Variants in ZFYVE1 observed in about 807,000 individuals in gnomAD.
ZFYVE1 encodes zinc finger FYVE-type containing 1.
ZFYVE1 carries 30 observed loss-of-function variants against 74.4 expected under a neutral mutation model. The ratio of observed to expected loss-of-function variants is 0.40; its 90% CI spans 0.30 to 0.55. The LOEUF (loss-of-function observed/expected upper bound fraction) is 0.55, where lower values mean the gene tolerates loss of function less well. ZFYVE1 is among the 20% of genes least tolerant of loss of function. The pLI, the probability that ZFYVE1 is intolerant of heterozygous loss-of-function variation, is 0.42. For missense variants in ZFYVE1, 703 were observed against 1,011.6 expected (o/e 0.69, Z 4.14); for synonymous variants, 335 against 385.1 (o/e 0.87, Z 1.52).
chr14:73,020,813 G>A (rs1464739954), intron 2 of ZFYVE1, among the ~76,000 whole-genome samples: 1 of 152,166 alleles, frequency 6.6e-6, no homozygotes, highest in Non-Finnish European at 1.5e-5. Context: ...GGTCCCTACT[G>A]AAAACACAAA....
At position 72,971,052 on chromosome 14, in the gene ZFYVE1, G is replaced by A. The variant is rs199882985; in HGVS notation, c.2164C>T (p.His722Tyr). 5 of 1,614,052 alleles carry A rather than the reference G, an allele frequency of 3.1e-6. No individual in the cohort carries two copies. The highest frequency in any genetic ancestry group is 4.2e-6 in the Non-Finnish European group (5 of 1,180,050). Residue 722 changes from histidine (H) to tyrosine (Y), a missense_variant, in exon 12 of 12, where the codon CAC (histidine) becomes TAC (tyrosine). By Grantham distance (83) the His-to-Tyr change is moderately conservative (BLOSUM62 2). Coordinates refer to ENST00000556143, the MANE Select transcript of ZFYVE1 (RefSeq NM_021260.4). ...ATGCTGAACTCCTTCCGGCAGTTGTGGCAGTGGAGGATTTCGTGGTCAGGC... is the reference window on the plus strand; with the variant it reads ...ATGCTGAACTCCTTCCGGCAGTTGTAGCAGTGGAGGATTTCGTGGTCAGGC... ...WVPDHEILHC[H>Y]NCRKEFSIKL... is the part of the protein sequence containing the mutation.
intron 3 of ZFYVE1, among the ~76,000 whole-genome samples, chr14:72,997,539 C>A (rs1423857632): frequency 1.3e-5 from 2 of 152,110 alleles, no homozygotes; most frequent in African/African-American, 2.4e-5. Flanking sequence ...CAAGCTTTTA[C>A]CCCCCACCAT....
chr14:72,996,707 T>C (rs142634725), intron 3 of ZFYVE1, among the ~76,000 whole-genome samples: 142 of 152,302 alleles, frequency 9.3e-4, no homozygotes, highest in African/African-American at 1.1e-3. Flanking sequence ...AGGTGTAGTG[T>C]CCTTGCTCTG....
chr14:72,975,042 AG>A lies in ZFYVE1; in HGVS notation c.1807-84del. 4 of 1,463,274 alleles carry A rather than the reference AG, an allele frequency of 2.7e-6. No individual in the cohort carries two copies. The African/African-American group carries it at 5.6e-5, about 21-fold the overall frequency. The allele number at this position is 1,463,274 out of a possible 1,614,324, so 90.6% of individuals were successfully genotyped here. A position where few individuals can be genotyped will look rare whatever the true frequency, so the allele number is the denominator to read the frequency against. On this transcript the variant is annotated intron_variant, in intron 9 of 11. Transcript: ENST00000556143. This position sits in a 1 kb window ranked among gnomAD's most constrained non-coding sequence, Gnocchi z 4.1. ...GCTGAGAAAGTCAACAAGACCCCGG[AG>A]CAAGCAGAAACTAAGGCAGGTGGCG...
chr14:72,988,353 T>C (rs1893531356), intron 4 of ZFYVE1, among the ~76,000 whole-genome samples: 1 of 151,886 alleles, frequency 6.6e-6, no homozygotes, highest in Admixed American at 6.6e-5. Context: ...TTTTGTATTT[T>C]TCACAGAGAT....
At chr14:72,999,130 C>T (rs1893815431) in intron 2 of ZFYVE1, among the ~76,000 whole-genome samples, 1 of 151,808 alleles carries the variant, frequency 6.6e-6, no homozygotes, top group African/African-American at 2.4e-5. Flanking sequence ...TGTGTCACTA[C>T]AAAAAATAAA....
At chr14:72,980,034 G>A (rs780091502) in intron 5 of ZFYVE1, among the ~76,000 whole-genome samples, 1 of 152,222 alleles carries the variant, frequency 6.6e-6, no homozygotes, top group African/African-American at 2.4e-5. Context: ...TGATCCAACA[G>A]TGCTTAAGTC....
intron 2 of ZFYVE1, among the ~76,000 whole-genome samples, chr14:72,999,974 T>C (rs1326670764): frequency 1.3e-5 from 2 of 152,032 alleles, no homozygotes; most frequent in East Asian, 1.9e-4. Context: ...GGCAGGAGAA[T>C]TGCTTGAACC....
At chr14:73,012,520 G>A (rs1254196470) in intron 2 of ZFYVE1, among the ~76,000 whole-genome samples, 1 of 152,140 alleles carries the variant, frequency 6.6e-6, no homozygotes, top group East Asian at 1.9e-4. Context: ...TACTTGGGAG[G>A]CTGAGACAGG....
intron 2 of ZFYVE1, among the ~76,000 whole-genome samples, chr14:73,023,684 T>A (rs771960932): frequency 6.6e-6 from 1 of 151,898 alleles, no homozygotes; most frequent in Non-Finnish European, 1.5e-5. Context: ...TTTGTTCTAA[T>A]AATAATGCTA....
In ZFYVE1 at chr14:72,997,835, C is replaced by T. The variant is rs193245467; in HGVS notation, c.964G>A (p.Val322Met). The change falls in exon 3 of 12, where the codon GTG becomes ATG. Residue 322 changes from valine to methionine, a missense_variant. This residue lies in a region of ZFYVE1 where 492 missense variants were observed against 790.0 expected (regional missense o/e 0.62). Coordinates refer to ENST00000556143, the MANE Select transcript of ZFYVE1 (RefSeq NM_021260.4). ...GPAVIIFHET[V>M]HTQLLGSDHP... ...CCAGAGCCCAGTAGCTGGGTGTGCA[C>T]GGTCTCATGGAAGATGATAACTGCA... The T allele has an allele frequency of 1.3e-5, 21 of 1,598,416 alleles. No homozygotes were observed. The African/African-American group carries it at 1.6e-4, about 12-fold the overall frequency.
At chr14:73,013,936 T>C (rs1483857354) in intron 2 of ZFYVE1, among the ~76,000 whole-genome samples, 1 of 152,080 alleles carries the variant, frequency 6.6e-6, no homozygotes, top group Non-Finnish European at 1.5e-5. Flanking sequence ...CTATATAATC[T>C]CCTGGATAAA....
At chr14:72,991,749 T>C (rs532925301) in intron 4 of ZFYVE1, among the ~76,000 whole-genome samples, 2 of 152,322 alleles carry the variant, frequency 1.3e-5, no homozygotes, top group East Asian at 1.9e-4. Flanking sequence ...TGGAAATGTA[T>C]GTATTTCATG....
At chr14:72,973,668 C>A (rs1263685325) in intron 11 of ZFYVE1, among the ~76,000 whole-genome samples, 14 of 152,132 alleles carry the variant, frequency 9.2e-5, no homozygotes, top group Non-Finnish European at 1.9e-4. Context: ...TCCTAACTGT[C>A]CCTGCCAAGG....
intron 8 of ZFYVE1, among the ~76,000 whole-genome samples, chr14:72,977,148 C>G (rs1336186553): frequency 6.6e-6 from 1 of 152,158 alleles, no homozygotes; most frequent in East Asian, 1.9e-4. Flanking sequence ...TGGCTCACGC[C>G]CATAATCCCA....
intron 2 of ZFYVE1, among the ~76,000 whole-genome samples, chr14:73,020,560 G>A (rs1894297061): frequency 6.6e-6 from 1 of 152,138 alleles, no homozygotes; most frequent in South Asian, 2.1e-4. Flanking sequence ...CACCATGTTG[G>A]CCAGACTGGT....
At chr14:73,026,668 C>G (rs1014369249) in intron 1 of ZFYVE1, among the ~76,000 whole-genome samples, 2 of 152,134 alleles carry the variant, frequency 1.3e-5, no homozygotes, top group Non-Finnish European at 2.9e-5. Context: ...GTTCCTCACC[C>G]TTCCTTCCAC....
chr14:73,012,350 G>A (rs147071779), intron 2 of ZFYVE1, among the ~76,000 whole-genome samples: 121 of 152,260 alleles, frequency 7.9e-4, no homozygotes, highest in African/African-American at 2.7e-3. Flanking sequence ...GGCCAGGTAC[G>A]GTGCCTCATG....
rs778103119 is a variant in ZFYVE1 at position 72,975,766 on chromosome 14, G to T, written c.1636-45C>A. ...TTCCATCATGCTCTGAGAAGGGAGT[G>T]AAAGGAAGGAGGAAGAGGGATGTTT... On this transcript the variant is annotated intron_variant, in intron 8 of 11. Transcript: ENST00000556143. The surrounding 1 kb of genome is among the most constrained non-coding windows in gnomAD (Gnocchi z 4.1). 2.5e-6 allele frequency: 4 copies of T among 1,599,068 alleles called. No individual in the cohort carries two copies. The Admixed American group carries it at 5.1e-5, about 20-fold the overall frequency.
Sources: allele counts gnomAD v4.1 joint callset (sites outside exome capture counted in the v4.1 genomes callset), GRCh38; gene constraint gnomAD v4.1.1; regional missense constraint gnomAD v4.1.1; non-coding constraint Gnocchi (gnomAD v3.1); transcripts MANE v1.5; gene names NCBI Gene and HGNC (gene_info 2026-07-23, HGNC 2026-07-21).